PCDHA5: variants seen among roughly 807,000 people sequenced by gnomAD.
PCDHA5 encodes the protein protocadherin alpha 5.
In PCDHA5, 43 loss-of-function variants were observed where a neutral mutation model predicts 61.6. That is an observed-to-expected ratio of 0.70 (90% CI 0.55 to 0.90). The LOEUF is 0.90. PCDHA5 is among the 40% of genes least tolerant of loss of function. The pLI, the probability that PCDHA5 is intolerant of heterozygous loss-of-function variation, is 0.00. For synonymous variants in PCDHA5, 627 were observed against 543.9 expected (o/e 1.15, Z -2.13); for missense variants, 1,298 against 1,222.7 (o/e 1.06, Z -0.92).
intron 1 of PCDHA5, chr5:140,853,500 T>C (rs2042770346): frequency 1.0e-6 from 1 of 977,532 alleles, no homozygotes; most frequent in Non-Finnish European, 1.2e-6. Flanking sequence ...GTTAGAATCA[T>C]GAAACAATAA....
rs533343357 is a variant in PCDHA5, at chr5:140,856,093, C to G, written c.2352+31966C>G. 1.3e-6 allele frequency: 2 copies of G among 1,597,146 alleles called. 1 individual carries two copies. Among genetic ancestry groups the G allele is most frequent in the Non-Finnish European group, 1.7e-6 (2 of 1,166,952 alleles). On this transcript the variant is annotated intron_variant, in intron 1 of 3. Transcript: ENST00000529859. ...GCCTGGGGGTCCAGTGTCTGCTGCT[C>G]TCGCTTCTTCTCCTCGCAGCCTGGG... is the stretch of plus-strand genomic sequence containing the variant.
chr5:140,876,261 A>G (rs2056242888), intron 1 of PCDHA5: 9 of 1,613,942 alleles, frequency 5.6e-6, no homozygotes, highest in Non-Finnish European at 7.6e-6. Context: ...GAGTGATCCA[A>G]CTAAATGCTT....
Position 140,823,675 on chromosome 5 carries a change from C to A in PCDHA5, c.1900C>A (p.Arg634Ser). Reference protein sequence around the residue: ...GLYTGEISTTRSLDETEAPRH... With the variant: ...GLYTGEISTTSSLDETEAPRH... ...GTACACAGGCGAGATCAGCACAACA[C>A]GCTCTCTGGATGAGACCGAAGCACC... The change falls in exon 1 of 4, where the codon CGC becomes AGC. Residue 634 changes from arginine (R) to serine (S), a missense_variant. Coordinates refer to ENST00000529859, the MANE Select transcript of PCDHA5 (RefSeq NM_018908.3). The A allele has an allele frequency of 1.2e-6, 2 of 1,614,056 alleles. No individual in the cohort carries two copies. Among genetic ancestry groups the A allele is most frequent in the Non-Finnish European group, 1.7e-6 (2 of 1,179,958 alleles).
chr5:140,968,363 G>T (rs1448494733), intron 1 of PCDHA5: 1 of 1,614,090 alleles, frequency 6.2e-7, no homozygotes, highest in East Asian at 2.2e-5. Context: ...CAGCCTTTAT[G>T]CTGTCAACTC....
chr5:140,823,795 G>A lies in PCDHA5; in HGVS notation c.2020G>A (p.Ala674Thr). The change falls in exon 1 of 4, where the codon GCG (alanine) becomes ACG (threonine). Residue 674 changes from alanine to threonine, a missense_variant. Coordinates refer to ENST00000529859, the MANE Select transcript of PCDHA5 (RefSeq NM_018908.3). ...VLVSLVESGQ[A>T]PKASSRASAG... ...GGTGTCGCTGGTGGAAAGTGGCCAG[G>A]CGCCGAAGGCCTCATCGCGGGCGTC... 1.2e-6 allele frequency: 2 copies of A among 1,613,812 alleles called. No individual in the cohort carries two copies. The highest frequency in any genetic ancestry group is 1.7e-6 in the Non-Finnish European group (2 of 1,179,904).
chr5:140,875,564 T>C (rs1327477761), intron 1 of PCDHA5: 1 of 1,614,048 alleles, frequency 6.2e-7, no homozygotes, highest in African/African-American at 1.3e-5. Flanking sequence ...AGCGGCCAGC[T>C]CCACTACTCC....
At chr5:140,923,877 C>T (rs555626217) in intron 1 of PCDHA5, among the ~76,000 whole-genome samples, 5 of 152,284 alleles carry the variant, frequency 3.3e-5, no homozygotes, top group East Asian at 1.9e-4. Flanking sequence ...ATCTGAGAAG[C>T]GTGTGAAAGA....
chr5:140,928,697 G>A (rs1554206190), intron 1 of PCDHA5: 1 of 1,614,122 alleles, frequency 6.2e-7, no homozygotes, highest in Non-Finnish European at 8.5e-7. Context: ...CACATCTCCC[G>A]GGCGTCTGAC....
rs2150110579 is a variant in PCDHA5, at chr5:140,821,775, G to T, written c.-1G>T. 1.1e-5 allele frequency: 18 copies of T among 1,605,896 alleles called. No individual in the cohort carries two copies. In the Admixed American group the frequency reaches 2.2e-4, roughly 20 times the overall value. On this transcript the variant is annotated 5_prime_UTR_variant, in exon 1 of 4. Transcript: ENST00000529859. Reference sequence around the variant, plus strand: ...AAGCTCATAATTGGAACGAGATTGAGATGGTATATTCCCGGAGAGGAAGTC... The same window carrying T: ...AAGCTCATAATTGGAACGAGATTGATATGGTATATTCCCGGAGAGGAAGTC...
At chr5:140,982,935 T>C (rs2097016879) in intron 3 of PCDHA5, among the ~76,000 whole-genome samples, 2 of 151,876 alleles carry the variant, frequency 1.3e-5, no homozygotes, top group African/African-American at 4.9e-5. Context: ...ACAAAGATCT[T>C]TTGGTTGAAG....
Position 140,829,129 on chromosome 5 carries a change from C to G in PCDHA5, c.2352+5002C>G. 1 of 1,612,248 alleles carries G rather than the reference C, an allele frequency of 6.2e-7. No homozygotes were observed. Among genetic ancestry groups the G allele is most frequent in the Admixed American group, 1.7e-5 (1 of 59,996 alleles). ...TGAGAATTTTGGATAAAAATGATAA[C>G]GTCCCTGAGATAGCACTGACTTCCT... is the stretch of plus-strand genomic sequence containing the variant. On this transcript the variant is annotated intron_variant, in intron 1 of 3. Coordinates refer to ENST00000529859, the MANE Select transcript of PCDHA5 (RefSeq NM_018908.3).
In PCDHA5 at chr5:140,902,128, A is replaced by G. The variant is rs140093707; in HGVS notation, c.2353-76821A>G. 5.8e-3 allele frequency among the ~76,000 whole-genome samples: 872 copies of G among 150,980 alleles called. 10 individuals carry two copies. The highest frequency in any genetic ancestry group is 0.019 in the African/African-American group (793 of 41,220). ...ATTTTTTTAAAACTGAGATTATATCATCTGCAAACAAGGATAATTTGATTT... is the reference window on the plus strand; with the variant it reads ...ATTTTTTTAAAACTGAGATTATATCGTCTGCAAACAAGGATAATTTGATTT... On this transcript the variant is annotated intron_variant, in intron 1 of 3. Coordinates refer to ENST00000529859, the MANE Select transcript of PCDHA5 (RefSeq NM_018908.3).
At chr5:140,873,665 A>G (rs1554166831) in intron 1 of PCDHA5, among the ~76,000 whole-genome samples, 1 of 152,034 alleles carries the variant, frequency 6.6e-6, no homozygotes. Flanking sequence ...CACTATTATT[A>G]TTTGTTTCTT....
chr5:140,916,003 A>G (rs971043760), intron 1 of PCDHA5, among the ~76,000 whole-genome samples: 1 of 152,146 alleles, frequency 6.6e-6, no homozygotes, highest in Non-Finnish European at 1.5e-5. Context: ...CACTCAAACC[A>G]CAAGACAAAG....
intron 1 of PCDHA5, chr5:140,883,703 G>C: frequency 6.2e-7 from 1 of 1,613,802 alleles, no homozygotes; most frequent in Non-Finnish European, 8.5e-7. Context: ...CACGGTGTCT[G>C]CTCAGGACGC....
intron 1 of PCDHA5, among the ~76,000 whole-genome samples, chr5:140,901,970 G>T (rs1178784932): frequency 1.3e-5 from 2 of 151,954 alleles, no homozygotes; most frequent in Non-Finnish European, 2.9e-5. Context: ...TCGTAAATGG[G>T]ATTACTTTTT....
At chr5:140,985,616 G>C in intron 3 of PCDHA5, among the ~76,000 whole-genome samples, 1 of 152,104 alleles carries the variant, frequency 6.6e-6, no homozygotes, top group African/African-American at 2.4e-5. Flanking sequence ...CCGTGAACCA[G>C]CTGTGTATTG....
At chr5:140,918,789 G>A (rs1453306973) in intron 1 of PCDHA5, among the ~76,000 whole-genome samples, 7 of 142,426 alleles carry the variant, frequency 4.9e-5, no homozygotes, top group African/African-American at 1.9e-4. Flanking sequence ...TGAGGACACA[G>A]CAAAAATGTG....
chr5:140,829,832 G>T, intron 1 of PCDHA5: 1 of 1,613,932 alleles, frequency 6.2e-7, no homozygotes, highest in Non-Finnish European at 8.5e-7. Context: ...GAGCGAGCTG[G>T]TGCCGCGGTC....
Sources: gnomAD v4.1 joint callset for allele counts (sites outside exome capture counted in the v4.1 genomes callset) on GRCh38, gnomAD v4.1.1 for gene constraint, MANE v1.5 for transcripts, NCBI Gene and HGNC (gene_info 2026-07-23, HGNC 2026-07-21) for gene names.